The following FRMD4A variants were observed in gnomAD, a reference collection of about 807,000 sequenced individuals.
FRMD4A encodes the protein FERM domain containing 4A, also known as FERM domain-containing protein 4A.
In FRMD4A, 29 loss-of-function variants were observed where a neutral mutation model predicts 129.1. The observed-to-expected ratio is 0.22, with a 90% CI of 0.17 to 0.31. FRMD4A has a LOEUF of 0.31. Ranked by LOEUF, FRMD4A falls within the 10% of genes least tolerant of loss-of-function variation. The probability of loss-of-function intolerance (pLI) is 1.00; values close to 1 mark genes in which losing one functional copy is unlikely to be tolerated. For synonymous variants in FRMD4A, 634 were observed against 571.6 expected (o/e 1.11, Z -1.56); for missense variants, 1,272 against 1,375.8 (o/e 0.92, Z 1.19).
chr10:14,070,518 G>T (rs919951782), intron 2 of FRMD4A, among the ~76,000 whole-genome samples: 1 of 152,172 alleles, frequency 6.6e-6, no homozygotes, highest in Admixed American at 6.5e-5. Flanking sequence ...GCATTGAAGA[G>T]ATGGGGTATT....
chr10:14,064,479 G>C (rs1409626448), intron 2 of FRMD4A, among the ~76,000 whole-genome samples: 1 of 152,188 alleles, frequency 6.6e-6, no homozygotes, highest in Non-Finnish European at 1.5e-5. Context: ...CTTATTCTTG[G>C]GAAATTCTGA....
intron 2 of FRMD4A, among the ~76,000 whole-genome samples, chr10:14,095,326 TG>T (rs1474687697): frequency 6.6e-6 from 1 of 152,216 alleles, no homozygotes; most frequent in Non-Finnish European, 1.5e-5. Context: ...TGGGACTGCC[TG>T]GGTGCTTCCT....
intron 5 of FRMD4A, among the ~76,000 whole-genome samples, chr10:13,793,889 T>C (rs1259607752): frequency 6.6e-6 from 1 of 152,178 alleles, no homozygotes; most frequent in Non-Finnish European, 1.5e-5. Context: ...ATCTGCCTCC[T>C]CTCTTAGAGA....
At chr10:14,085,705 G>T (rs189419824) in intron 2 of FRMD4A, among the ~76,000 whole-genome samples, 1 of 152,168 alleles carries the variant, frequency 6.6e-6, no homozygotes, top group Non-Finnish European at 1.5e-5. Flanking sequence ...ATTTGCGCTC[G>T]CTGTCCTGTG....
chr10:13,877,648 G>C (rs1319692127), intron 2 of FRMD4A, among the ~76,000 whole-genome samples: 1 of 152,238 alleles, frequency 6.6e-6, no homozygotes, highest in Non-Finnish European at 1.5e-5. Flanking sequence ...CTGGGCTAGA[G>C]GCTACCGCCT....
Position 14,330,152 on chromosome 10 carries a change from G to A in FRMD4A, c.-50C>T. 1 of 1,538,356 alleles carries A rather than the reference G, an allele frequency of 6.5e-7. No homozygotes were observed. The highest frequency in any genetic ancestry group is 8.8e-7 in the Non-Finnish European group (1 of 1,136,236). ...CCTGCTGCCGAGTCAGTCCTCCTGGGCCCCGGGTGGCTACAGAGCATCCAA... is the reference window on the plus strand; with the variant it reads ...CCTGCTGCCGAGTCAGTCCTCCTGGACCCCGGGTGGCTACAGAGCATCCAA... On this transcript the variant is annotated 5_prime_UTR_variant, in exon 2 of 25. Transcript: ENST00000357447.
chr10:14,003,622 C>A (rs1020134946), intron 2 of FRMD4A: 1 of 152,322 alleles, frequency 6.6e-6, no homozygotes, highest in Non-Finnish European at 1.5e-5. Flanking sequence ...AGGCGGGCAT[C>A]TCAGGGTGTG....
chr10:14,169,740 TTAATCTAAAC>T (rs1841378429), intron 2 of FRMD4A, among the ~76,000 whole-genome samples: 1 of 152,176 alleles, frequency 6.6e-6, no homozygotes, highest in Admixed American at 6.5e-5. Context: ...TTCCTTGAAT[TTAATCTAAAC>T]CTGTCATTCT....
chr10:14,005,055 T>C (rs1016680358), intron 2 of FRMD4A, among the ~76,000 whole-genome samples: 4 of 152,030 alleles, frequency 2.6e-5, no homozygotes, highest in African/African-American at 7.2e-5. Context: ...CCTGAGTCTT[T>C]CTCTGTCACC....
intron 3 of FRMD4A, among the ~76,000 whole-genome samples, chr10:13,818,292 A>T (rs1362756537): frequency 2.0e-5 from 3 of 151,912 alleles, no homozygotes; most frequent in Non-Finnish European, 2.9e-5. Context: ...TCTCCTGAGT[A>T]GGGGGGGACT....
At chr10:13,656,547 C>T in intron 22 of FRMD4A, 89 bp downstream of exon 22, 4 of 1,294,096 alleles carry the variant, frequency 3.1e-6, no homozygotes, top group Non-Finnish European at 3.9e-6. Flanking sequence ...GCACCCAGTC[C>T]TAAGGGTACC....
At chr10:13,996,743 G>A (rs1337589027) in intron 2 of FRMD4A, among the ~76,000 whole-genome samples, 1 of 152,130 alleles carries the variant, frequency 6.6e-6, no homozygotes, top group Non-Finnish European at 1.5e-5. Flanking sequence ...ATAATAGCAG[G>A]ATTTTCTTCT....
intron 2 of FRMD4A, among the ~76,000 whole-genome samples, chr10:13,960,710 A>C (rs1038804289): frequency 1.3e-5 from 2 of 152,122 alleles, no homozygotes; most frequent in Non-Finnish European, 2.9e-5. Flanking sequence ...CCGGCAGCCC[A>C]CCTACCTGCA....
intron 2 of FRMD4A, among the ~76,000 whole-genome samples, chr10:13,864,427 C>T (rs1024987980): frequency 6.6e-6 from 1 of 151,740 alleles, no homozygotes; most frequent in Middle Eastern, 3.2e-3. Context: ...AAAGTCAACC[C>T]TATTTGCATG....
chr10:13,697,152 ATTT>A (rs11309575), intron 14 of FRMD4A, among the ~76,000 whole-genome samples: 20 of 136,522 alleles, frequency 1.5e-4, no homozygotes, highest in African/African-American at 2.7e-4. Flanking sequence ...AAACTACTGG[ATTT>A]TTTTTTTTTT....
chr10:14,328,931 T>C (rs1341416872), intron 2 of FRMD4A, among the ~76,000 whole-genome samples: 1 of 152,124 alleles, frequency 6.6e-6, no homozygotes, highest in Non-Finnish European at 1.5e-5. Flanking sequence ...ACTCCCCCAG[T>C]GAAATGAGAA....
At chr10:13,830,105 C>T (rs553790571) in intron 3 of FRMD4A, among the ~76,000 whole-genome samples, 14 of 152,302 alleles carry the variant, frequency 9.2e-5, no homozygotes, top group Non-Finnish European at 1.3e-4. Context: ...GAGGAGATAA[C>T]GCGCTTTACA....
chr10:14,153,266 T>G (rs1840431443), intron 2 of FRMD4A, among the ~76,000 whole-genome samples: 1 of 152,226 alleles, frequency 6.6e-6, no homozygotes, highest in African/African-American at 2.4e-5. Flanking sequence ...CACCCAGGTT[T>G]GCAGATATAT....
At chr10:14,261,739 G>A (rs892174787) in intron 2 of FRMD4A, among the ~76,000 whole-genome samples, 17 of 152,032 alleles carry the variant, frequency 1.1e-4, no homozygotes, top group African/African-American at 4.1e-4. Context: ...AATTTCTCTG[G>A]ACCTTAGTGT....
Sources: gnomAD v4.1 joint callset for allele counts (sites outside exome capture counted in the v4.1 genomes callset) on GRCh38, gnomAD v4.1.1 for gene constraint, MANE v1.5 for transcripts, NCBI Gene and HGNC (gene_info 2026-07-23, HGNC 2026-07-21) for gene names.